Variants in ADAMTS17 observed in about 807,000 individuals in gnomAD.
ADAMTS17 encodes ADAM metallopeptidase with thrombospondin type 1 motif 17.
In ADAMTS17, 113 loss-of-function variants were observed where a neutral mutation model predicts 141.5. The ratio of observed to expected loss-of-function variants is 0.80; its 90% CI spans 0.69 to 0.93. The LOEUF (loss-of-function observed/expected upper bound fraction) is 0.93. Ranked by LOEUF, ADAMTS17 falls within the 40% of genes least tolerant of loss-of-function variation. ADAMTS17 has a pLI of 0.00. For missense variants in ADAMTS17, 1,659 were observed against 1,517.9 expected, an observed-to-expected ratio of 1.09 and a Z score of -1.54; for synonymous variants, 768 against 630.6, an observed-to-expected ratio of 1.22 and a Z score of -3.27.
intron 1 of ADAMTS17, 143 bp downstream of exon 1, chr15:100,341,678 C>T: frequency 1.8e-6 from 2 of 1,120,880 alleles, no homozygotes; most frequent in Non-Finnish European, 2.3e-6. Context: ...GATTCCCGTA[C>T]TCCGGCCGCG....
chr15:100,154,678 G>C (rs1456909532), intron 9 of ADAMTS17, among the ~76,000 whole-genome samples: 1 of 152,184 alleles, frequency 6.6e-6, no homozygotes, highest in Non-Finnish European at 1.5e-5. Context: ...ATCTGAGAAT[G>C]GAAGGGTGCA....
At chr15:100,207,412 C>T (rs1327494172) in intron 7 of ADAMTS17, among the ~76,000 whole-genome samples, 1 of 152,150 alleles carries the variant, frequency 6.6e-6, no homozygotes, top group African/African-American at 2.4e-5. Flanking sequence ...GAGCTCTAAA[C>T]AAGCTAATAC....
chr15:100,158,926 C>T (rs1420350218), intron 8 of ADAMTS17, among the ~76,000 whole-genome samples: 3 of 152,142 alleles, frequency 2.0e-5, no homozygotes, highest in African/African-American at 7.2e-5. Flanking sequence ...TGAGATACCA[C>T]CTTACACCTC....
At chr15:100,098,628 A>C (rs964215331) in intron 14 of ADAMTS17, among the ~76,000 whole-genome samples, 14 of 151,028 alleles carry the variant, frequency 9.3e-5, no homozygotes, top group African/African-American at 3.2e-4. Context: ...GCGCCACTGC[A>C]CTCCAGCCTG....
intron 8 of ADAMTS17, among the ~76,000 whole-genome samples, chr15:100,177,631 G>A (rs1329457592): frequency 6.6e-6 from 1 of 152,192 alleles, no homozygotes; most frequent in Non-Finnish European, 1.5e-5. Context: ...GTTGTTGGAT[G>A]AAGTGTTCTA....
chr15:100,063,164 A>T (rs2033249521), intron 15 of ADAMTS17, among the ~76,000 whole-genome samples: 1 of 152,228 alleles, frequency 6.6e-6, no homozygotes, highest in Non-Finnish European at 1.5e-5. Context: ...GCTTGAAGTC[A>T]ATGGAGCTGG....
chr15:100,152,304 C>G (rs990451594), intron 10 of ADAMTS17, among the ~76,000 whole-genome samples: 2 of 152,114 alleles, frequency 1.3e-5, no homozygotes, highest in African/African-American at 4.8e-5. Flanking sequence ...TCAGTAGTAA[C>G]CCTGAAGGAT....
chr15:100,064,599 C>A (rs539874572), intron 15 of ADAMTS17, among the ~76,000 whole-genome samples: 1 of 152,302 alleles, frequency 6.6e-6, no homozygotes, highest in South Asian at 2.1e-4. Flanking sequence ...TGCCTTAACA[C>A]ACGGTGCACC....
chr15:100,160,618 G>A (rs968511859), intron 8 of ADAMTS17, among the ~76,000 whole-genome samples: 5 of 152,228 alleles, frequency 3.3e-5, no homozygotes, highest in East Asian at 1.9e-4. Context: ...TGTGCTGTTG[G>A]CAACTCCATA....
At chr15:100,140,199 T>G (rs1033360967) in intron 10 of ADAMTS17, among the ~76,000 whole-genome samples, 3 of 152,036 alleles carry the variant, frequency 2.0e-5, no homozygotes, top group Admixed American at 6.5e-5. Flanking sequence ...TTTCACCATG[T>G]TGGCCAGGCT....
intron 10 of ADAMTS17, among the ~76,000 whole-genome samples, chr15:100,144,805 G>C (rs1233486942): frequency 6.6e-6 from 1 of 151,584 alleles, no homozygotes; most frequent in African/African-American, 2.4e-5. Context: ...CCCGAGACCA[G>C]GGAGGCCTCT....
intron 8 of ADAMTS17, among the ~76,000 whole-genome samples, chr15:100,160,506 G>A (rs1335372570): frequency 6.6e-6 from 1 of 152,212 alleles, no homozygotes; most frequent in Admixed American, 6.5e-5. Flanking sequence ...GTTATCAAAT[G>A]AAAGGGGCTC....
intron 4 of ADAMTS17, among the ~76,000 whole-genome samples, chr15:100,280,126 C>G (rs1161686541): frequency 1.3e-5 from 2 of 152,184 alleles, no homozygotes; most frequent in African/African-American, 2.4e-5. Flanking sequence ...TCCCTCTTTC[C>G]CACCAAGACA....
intron 20 of ADAMTS17, among the ~76,000 whole-genome samples, chr15:99,985,895 C>T (rs2060575187): frequency 6.6e-6 from 1 of 152,234 alleles, no homozygotes; most frequent in Non-Finnish European, 1.5e-5. Flanking sequence ...TGCACCCACC[C>T]CCAGCTGTGG....
chr15:100,013,916 GTTCT>G (rs549653247), intron 18 of ADAMTS17, among the ~76,000 whole-genome samples: 13 of 152,062 alleles, frequency 8.5e-5, no homozygotes, highest in Non-Finnish European at 1.6e-4. Flanking sequence ...ATGAGGGAGG[GTTCT>G]TTCTTTCTCT....
At chr15:100,207,560 G>A (rs1177396065) in intron 7 of ADAMTS17, among the ~76,000 whole-genome samples, 2 of 152,210 alleles carry the variant, frequency 1.3e-5, no homozygotes, top group Non-Finnish European at 2.9e-5. Context: ...TGATGTTCAC[G>A]ACATGGTTTA....
rs568756228 is a variant in ADAMTS17, at chr15:100,168,462, A to T, written c.1182-13142T>A. Reference sequence around the variant, plus strand: ...AATAAGAATATGCTTTCTGCTTCTGAGCCTAGAGAGTAATTCATCTAATGG... The same window carrying T: ...AATAAGAATATGCTTTCTGCTTCTGTGCCTAGAGAGTAATTCATCTAATGG... On this transcript the variant is annotated intron_variant, in intron 8 of 21. Transcript: ENST00000268070. 4 of 152,334 alleles carry T rather than the reference A, an allele frequency of 2.6e-5. No homozygotes were observed. In the East Asian group the frequency reaches 7.7e-4, roughly 29 times the overall value. 9.4% of individuals were successfully genotyped at this position (152,334 alleles called of 1,614,324 possible). A position where few individuals can be genotyped will look rare whatever the true frequency, so the allele number is the denominator to read the frequency against.
chr15:100,164,807 A>G (rs1215277515), intron 8 of ADAMTS17, among the ~76,000 whole-genome samples: 1 of 152,192 alleles, frequency 6.6e-6, no homozygotes, highest in Non-Finnish European at 1.5e-5. Context: ...GGACTGTGGT[A>G]AGACTCCTGG....
intron 20 of ADAMTS17, among the ~76,000 whole-genome samples, chr15:99,986,572 G>A (rs566011270): frequency 2.6e-5 from 4 of 152,290 alleles, no homozygotes; most frequent in African/African-American, 9.6e-5. Context: ...TGGCACCAGG[G>A]GGTCAACGAT....
Sources: allele counts gnomAD v4.1 joint callset (sites outside exome capture counted in the v4.1 genomes callset), GRCh38; gene constraint gnomAD v4.1.1; transcripts MANE v1.5; gene names NCBI Gene and HGNC (gene_info 2026-07-23, HGNC 2026-07-21).